Variants in CSMD1 observed in about 807,000 individuals in gnomAD.
The protein encoded by CSMD1 is CUB and sushi domain-containing protein 1.
CSMD1 carries 213 observed loss-of-function variants against 417.5 expected under a neutral mutation model. That is an observed-to-expected ratio of 0.51 (90% CI 0.46 to 0.57). CSMD1 has a LOEUF of 0.57. Among genes scored for constraint, CSMD1 ranks in the 20% least tolerant of loss-of-function variants. The pLI is 0.00. For synonymous variants in CSMD1, 2,862 were observed against 1,736.8 expected (o/e 1.65, Z -16.11); for missense variants, 6,923 against 4,529.7 (o/e 1.53, Z -15.17).
chr8:3,833,216 G>C (rs76670349), intron 5 of CSMD1, among the ~76,000 whole-genome samples: 6,721 of 151,934 alleles, frequency 0.044, 464 homozygotes, highest in African/African-American at 0.14. Context: ...GAATTTTTTT[G>C]TCCGTACTGT....
intron 6 of CSMD1, among the ~76,000 whole-genome samples, chr8:3,712,252 G>A (rs1801556511): frequency 6.6e-6 from 1 of 152,076 alleles, no homozygotes; most frequent in South Asian, 2.1e-4. Flanking sequence ...CCCGGTGTCT[G>A]GACACTTCTC....
intron 37 of CSMD1, among the ~76,000 whole-genome samples, chr8:3,163,261 C>A (rs1447580445): frequency 6.6e-6 from 1 of 152,126 alleles, no homozygotes; most frequent in African/African-American, 2.4e-5. Context: ...CTTGGTAGGC[C>A]AGCTTCACAT....
intron 1 of CSMD1, among the ~76,000 whole-genome samples, chr8:4,685,023 C>A (rs1806282965): frequency 6.6e-6 from 1 of 152,116 alleles, no homozygotes; most frequent in Non-Finnish European, 1.5e-5. Flanking sequence ...ACTCAGAAAT[C>A]AAATATAGCA....
At chr8:3,017,680 C>T (rs1798553749) in intron 52 of CSMD1, among the ~76,000 whole-genome samples, 1 of 151,744 alleles carries the variant, frequency 6.6e-6, no homozygotes, top group Non-Finnish European at 1.5e-5. Flanking sequence ...TCAAATTCTC[C>T]CAAATGAAAA....
intron 39 of CSMD1, among the ~76,000 whole-genome samples, chr8:3,156,750 C>G (rs937136559): frequency 2.6e-5 from 4 of 151,962 alleles, no homozygotes; most frequent in Non-Finnish European, 5.9e-5. Flanking sequence ...CCGATGTTTC[C>G]TTTTGCCTCT....
chr8:3,971,467 A>G (rs1450775555), intron 5 of CSMD1, among the ~76,000 whole-genome samples: 1 of 152,214 alleles, frequency 6.6e-6, no homozygotes, highest in African/African-American at 2.4e-5. Flanking sequence ...TGCAATTGCA[A>G]GTTGACAACT....
chr8:3,281,175 G>A (rs1179296874), intron 26 of CSMD1, among the ~76,000 whole-genome samples: 1 of 152,190 alleles, frequency 6.6e-6, no homozygotes, highest in Non-Finnish European at 1.5e-5. Flanking sequence ...GGGCGAGGTG[G>A]CTCACGCCTG....
chr8:3,558,713 G>A (rs373555615), intron 10 of CSMD1, among the ~76,000 whole-genome samples: 2 of 149,366 alleles, frequency 1.3e-5, no homozygotes, highest in East Asian at 2.0e-4. Context: ...ATGATGAATA[G>A]TGCTTCAGTA....
At chr8:3,689,245 A>C (rs7822527) in intron 7 of CSMD1, among the ~76,000 whole-genome samples, 1 of 151,936 alleles carries the variant, frequency 6.6e-6, no homozygotes. Flanking sequence ...CACAGTTACC[A>C]TGAAGTGAAT....
chr8:3,146,305 T>A (rs1818841940), intron 40 of CSMD1, among the ~76,000 whole-genome samples: 1 of 151,944 alleles, frequency 6.6e-6, no homozygotes, highest in South Asian at 2.1e-4. Context: ...TGCCAGAGCA[T>A]CACAAAACAA....
chr8:3,501,888 T>C (rs1479906395), intron 10 of CSMD1, among the ~76,000 whole-genome samples: 1 of 152,176 alleles, frequency 6.6e-6, no homozygotes, highest in African/African-American at 2.4e-5. Context: ...GGAGACAAAC[T>C]GACCAAATAT....
At chr8:3,729,666 C>T (rs2623741) in intron 6 of CSMD1, among the ~76,000 whole-genome samples, 2 of 151,524 alleles carry the variant, frequency 1.3e-5, no homozygotes, top group African/African-American at 2.4e-5. Flanking sequence ...GGGCTACCAG[C>T]GAAGTGTTTA....
chr8:3,294,289 C>A (rs570711864), intron 25 of CSMD1, among the ~76,000 whole-genome samples: 17 of 152,142 alleles, frequency 1.1e-4, no homozygotes, highest in Non-Finnish European at 2.1e-4. Flanking sequence ...CTTGAGGAGG[C>A]AGTCTGTCTG....
chr8:4,202,891 G>C (rs1048426104), intron 3 of CSMD1, among the ~76,000 whole-genome samples: 1 of 152,166 alleles, frequency 6.6e-6, no homozygotes, highest in Non-Finnish European at 1.5e-5. Flanking sequence ...CCTGGAGAAG[G>C]GGCATGGACT....
At chr8:4,735,272 C>T (rs150521403) in intron 1 of CSMD1, among the ~76,000 whole-genome samples, 1 of 152,270 alleles carries the variant, frequency 6.6e-6, no homozygotes, top group East Asian at 1.9e-4. Flanking sequence ...AAGGTCTTCT[C>T]ATTTAGATTT....
intron 3 of CSMD1, among the ~76,000 whole-genome samples, chr8:4,209,995 T>G (rs1000410739): frequency 6.6e-5 from 10 of 152,176 alleles, no homozygotes; most frequent in African/African-American, 2.4e-4. Flanking sequence ...GAAAGGCTGC[T>G]TCTGCCCCAG....
chr8:3,183,980 A>G (rs2730047), intron 36 of CSMD1, among the ~76,000 whole-genome samples: 146,475 of 152,250 alleles, frequency 0.96, 70,548 homozygotes, highest in African/African-American at 0.99. Context: ...CAGTCAGAAA[A>G]CACTTTACAA....
intron 5 of CSMD1, among the ~76,000 whole-genome samples, chr8:3,810,767 T>C (rs1801023757): frequency 6.6e-6 from 1 of 152,186 alleles, no homozygotes; most frequent in South Asian, 2.1e-4. Flanking sequence ...GCAATGATCA[T>C]GGTGTTGCAT....
chr8:4,551,176 G>T (rs192081788), intron 2 of CSMD1, among the ~76,000 whole-genome samples: 1 of 151,976 alleles, frequency 6.6e-6, no homozygotes, highest in Non-Finnish European at 1.5e-5. Flanking sequence ...TACCTTCCAC[G>T]GACTCAGCTC....
Sources: gnomAD v4.1 joint callset for allele counts (sites outside exome capture counted in the v4.1 genomes callset) on GRCh38, gnomAD v4.1.1 for gene constraint, MANE v1.5 for transcripts, NCBI Gene and HGNC (gene_info 2026-07-23, HGNC 2026-07-21) for gene names.